The following SEPSECS variants were observed in gnomAD, a reference collection of about 807,000 sequenced individuals.
SEPSECS encodes O-phosphoseryl-tRNA(Sec) selenium transferase.
SEPSECS carries 42 observed loss-of-function variants against 52.1 expected under a neutral mutation model. The ratio of observed to expected loss-of-function variants is 0.81; its 90% CI spans 0.63 to 1.04. The LOEUF (loss-of-function observed/expected upper bound fraction) is 1.04. Among genes scored for constraint, SEPSECS ranks in the 50% least tolerant of loss-of-function variants. SEPSECS has a pLI of 0.00. For missense variants in SEPSECS, 590 were observed against 610.6 expected (o/e 0.97, Z 0.36); for synonymous variants, 216 against 211.4 (o/e 1.02, Z -0.19).
intron 8 of SEPSECS, among the ~76,000 whole-genome samples, chr4:25,142,178 G>A (rs1367617229): frequency 6.6e-6 from 1 of 152,148 alleles, no homozygotes; most frequent in African/African-American, 2.4e-5. Context: ...TCAGGAGGCT[G>A]AGGCAGGAGA....
rs1332323068 is a variant in SEPSECS at position 25,121,311 on chromosome 4, A to G, written c.*2620T>C. The G allele has an allele frequency of 1.3e-5, 2 of 152,124 alleles. No homozygotes were observed. The highest frequency in any genetic ancestry group is 4.8e-5 in the African/African-American group (2 of 41,438). The allele number at this position is 152,124 out of a possible 1,614,324, so 9.4% of individuals were successfully genotyped here. A position where few individuals can be genotyped will look rare whatever the true frequency, so the allele number is the denominator to read the frequency against. On this transcript the variant is annotated 3_prime_UTR_variant, in exon 11 of 11. Coordinates refer to ENST00000382103, the MANE Select transcript of SEPSECS (RefSeq NM_016955.4). Reference sequence around the variant, plus strand: ...TGTGTAGTGACCAAAAGAATATTCTATGTTCCACCATTTTCTTTTCTAAGC... The same window carrying G: ...TGTGTAGTGACCAAAAGAATATTCTGTGTTCCACCATTTTCTTTTCTAAGC...
At chr4:25,132,717 T>C (rs1038634419) in intron 8 of SEPSECS, among the ~76,000 whole-genome samples, 2 of 152,208 alleles carry the variant, frequency 1.3e-5, no homozygotes, top group African/African-American at 4.8e-5. Flanking sequence ...AACCAATTAG[T>C]ACATTAGAGA....
intron 8 of SEPSECS, among the ~76,000 whole-genome samples, chr4:25,129,712 G>A (rs948301891): frequency 2.0e-5 from 3 of 151,860 alleles, no homozygotes; most frequent in South Asian, 4.2e-4. Context: ...CCCATACTAC[G>A]AAAGGTGAAA....
Position 25,134,320 on chromosome 4 carries a change from A to ATGTGTGTGTGTG in SEPSECS, c.1027-6975_1027-6964dup, listed in dbSNP as rs3066762. On this transcript the variant is annotated intron_variant, in intron 8 of 10. Transcript: ENST00000382103. ...ATAGCAAGACCCCATATCTTTAAAA[A>ATGTGTGTGTGTG]TGTGTGTGTGTGTGTGTGTGTGTGT... Among the ~76,000 whole-genome samples the ATGTGTGTGTGTG allele has an allele frequency of 6.6e-4, 96 of 145,100 alleles. No individual in the cohort carries two copies. In the East Asian group the frequency reaches 7.9e-3, roughly 12 times the overall value.
chr4:25,144,665 T>A lies in SEPSECS; in HGVS notation c.1026+109A>T. On this transcript the variant is annotated intron_variant, in intron 8 of 10. Coordinates refer to ENST00000382103, the MANE Select transcript of SEPSECS (RefSeq NM_016955.4). ...GATCTGAATAAATACTATCGGACCATACTAGATGTCTCCCTCCCAGTGCAA... is the reference window on the plus strand; with the variant it reads ...GATCTGAATAAATACTATCGGACCAAACTAGATGTCTCCCTCCCAGTGCAA... 8.7e-6 allele frequency: 7 copies of A among 801,446 alleles called. No individual in the cohort carries two copies. The South Asian group carries it at 9.7e-5, about 11-fold the overall frequency. 49.6% of individuals were successfully genotyped at this position (801,446 alleles called of 1,614,324 possible).
At position 25,122,273 on chromosome 4, in the gene SEPSECS, T is replaced by C. The variant is rs1728157708; in HGVS notation, c.*1658A>G. On this transcript the variant is annotated 3_prime_UTR_variant, in exon 11 of 11. Transcript: ENST00000382103. ...TTGACTTCCAAGGTGGTCAAGCCAG[T>C]GGCCATAGGCGTCTACCTTACACAT... 6.6e-6 allele frequency: 1 copy of C among 152,164 alleles called. No homozygotes were observed. Among genetic ancestry groups the C allele is most frequent in the Admixed American group, 6.6e-5 (1 of 15,264 alleles). The allele number at this position is 152,164 out of a possible 1,614,324, so 9.4% of individuals were successfully genotyped here.
intron 8 of SEPSECS, 30 bp downstream of exon 8, chr4:25,144,743 AT>A: frequency 6.9e-7 from 1 of 1,456,980 alleles, no homozygotes; most frequent in Non-Finnish European, 9.6e-7. Flanking sequence ...CTAGTCAAGA[AT>A]GTTATTCGAC....
At chr4:25,160,189 G>A in intron 1 of SEPSECS, 67 bp downstream of exon 1, 6 of 1,542,932 alleles carry the variant, frequency 3.9e-6, no homozygotes, top group Non-Finnish European at 5.3e-6. Context: ...CAGCACCAGC[G>A]GGGACGCCCG....
intron 8 of SEPSECS, among the ~76,000 whole-genome samples, chr4:25,143,669 T>G (rs1308252829): frequency 6.6e-6 from 1 of 152,116 alleles, no homozygotes; most frequent in Admixed American, 6.5e-5. Context: ...TGGAATGAAT[T>G]AGTAGGGGAA....
Position 25,156,185 on chromosome 4 carries a change from T to C in SEPSECS, c.399A>G (p.Thr133=), listed in dbSNP as rs1294322535. 1.2e-6 allele frequency: 2 copies of C among 1,613,994 alleles called. No homozygotes were observed. The highest frequency in any genetic ancestry group is 2.2e-5 in the East Asian group (1 of 44,836). Residue 133 remains threonine, a synonymous_variant, in exon 4 of 11, where the codon ACA becomes ACG. Transcript: ENST00000382103. Reference sequence around the variant, plus strand: ...TAGGAACTACAAAGCAGTTGGCTACTGTATGGACACCTACAAATAAGAAGC... The same window carrying C: ...TAGGAACTACAAAGCAGTTGGCTACCGTATGGACACCTACAAATAAGAAGC... The part of the protein sequence containing the change: ...LDIIKLAGVH[T]VANCFVVPMA...
chr4:25,156,778 C>T (rs1258030893), intron 3 of SEPSECS, 78 bp downstream of exon 3: 6 of 640,058 alleles, frequency 9.4e-6, no homozygotes, highest in Non-Finnish European at 1.8e-5. Context: ...TGGAAAGGGG[C>T]AATAATAAAT....
rs566620229 is a variant in SEPSECS, at chr4:25,160,426, C to A, written c.-57G>T. On this transcript the variant is annotated 5_prime_UTR_variant, in exon 1 of 11. Coordinates refer to ENST00000382103, the MANE Select transcript of SEPSECS (RefSeq NM_016955.4). ...GAGCACTAGCTCCACACGCCAGACA[C>A]ACGACGGAACCAGAATGCAACTCGC... The A allele has an allele frequency of 1.3e-4, 186 of 1,414,536 alleles. 1 individual carries two copies. In the East Asian group the frequency reaches 4.5e-3, roughly 34 times the overall value. 87.6% of individuals were successfully genotyped at this position (1,414,536 alleles called of 1,614,324 possible). A position where few individuals can be genotyped will look rare whatever the true frequency, so the allele number is the denominator to read the frequency against.
At chr4:25,137,945 C>T (rs983387189) in intron 8 of SEPSECS, among the ~76,000 whole-genome samples, 3 of 152,106 alleles carry the variant, frequency 2.0e-5, no homozygotes, top group African/African-American at 4.8e-5. Flanking sequence ...AGACTATCCT[C>T]AGCAAACTAA....
rs1373134882 is a variant in SEPSECS at position 25,156,199 on chromosome 4, C to T, written c.389-4G>A. On this transcript the variant is annotated splice_polypyrimidine_tract_variant and splice_region_variant and intron_variant, in intron 3 of 10. Transcript: ENST00000382103. ...CAGTTGGCTACTGTATGGACACCTACAAATAAGAAGCAAAACAGAAATCTG... is the reference window on the plus strand; with the variant it reads ...CAGTTGGCTACTGTATGGACACCTATAAATAAGAAGCAAAACAGAAATCTG... 6 of 1,613,618 alleles carry T rather than the reference C, an allele frequency of 3.7e-6. No homozygotes were observed. In the East Asian group the frequency reaches 8.9e-5, roughly 24 times the overall value.
rs921823429 is a variant in SEPSECS at position 25,122,123 on chromosome 4, C to G, written c.*1808G>C. The G allele has an allele frequency of 6.6e-6, 1 of 152,092 alleles. No homozygotes were observed. Among genetic ancestry groups the G allele is most frequent in the Non-Finnish European group, 1.5e-5 (1 of 67,996 alleles). 9.4% of individuals were successfully genotyped at this position (152,092 alleles called of 1,614,324 possible). The stretch of plus-strand genomic sequence containing the variant: ...TACACTTTTTAATCCAGCATTTATT[C>G]CCTTGAAATGAGTTACTACACCTAT... On this transcript the variant is annotated 3_prime_UTR_variant, in exon 11 of 11. Coordinates refer to ENST00000382103, the MANE Select transcript of SEPSECS (RefSeq NM_016955.4).
chr4:25,128,700 T>C (rs1380218306), intron 8 of SEPSECS, among the ~76,000 whole-genome samples: 2 of 152,076 alleles, frequency 1.3e-5, no homozygotes, highest in Non-Finnish European at 2.9e-5. Context: ...CCCAACTACA[T>C]CTGCAGCTAA....
At chr4:25,150,652 T>C (rs1009062949) in intron 6 of SEPSECS, among the ~76,000 whole-genome samples, 2 of 151,630 alleles carry the variant, frequency 1.3e-5, no homozygotes, top group African/African-American at 2.4e-5. Flanking sequence ...GATGTCAAAA[T>C]GTAGAACATA....
chr4:25,124,246 C>T (rs930382838), intron 10 of SEPSECS, 21 bp from the exon 11 acceptor site: 1 of 1,608,168 alleles, frequency 6.2e-7, no homozygotes, highest in African/African-American at 1.3e-5. Context: ...AAAGATTTAC[C>T]AATTTAATAT....
rs1454873329 is a variant in SEPSECS, at chr4:25,122,885, T to C, written c.*1046A>G. On this transcript the variant is annotated 3_prime_UTR_variant, in exon 11 of 11. Coordinates refer to ENST00000382103, the MANE Select transcript of SEPSECS (RefSeq NM_016955.4). The stretch of plus-strand genomic sequence containing the variant: ...TACACCTGTTTATCATACTATGTGA[T>C]TTTCATCTTCCTGGCAAAAATATGT... 6.6e-6 allele frequency: 1 copy of C among 152,144 alleles called. No individual in the cohort carries two copies. Among genetic ancestry groups the C allele is most frequent in the Non-Finnish European group, 1.5e-5 (1 of 68,016 alleles). The allele number at this position is 152,144 out of a possible 1,614,324, so 9.4% of individuals were successfully genotyped here.
Sources: gnomAD v4.1 joint callset for allele counts (sites outside exome capture counted in the v4.1 genomes callset) on GRCh38, gnomAD v4.1.1 for gene constraint, MANE v1.5 for transcripts, NCBI Gene and HGNC (gene_info 2026-07-23, HGNC 2026-07-21) for gene names.